The following SLAMF6 variants were observed in gnomAD, a reference collection of about 807,000 sequenced individuals.
SLAMF6 encodes SLAM family member 6.
In SLAMF6, 21 loss-of-function variants were observed where a neutral mutation model predicts 38.3. That is an observed-to-expected ratio of 0.55 (90% CI 0.39 to 0.79). The LOEUF (loss-of-function observed/expected upper bound fraction) is 0.79. SLAMF6 is among the 30% of genes least tolerant of loss of function. The pLI is 0.00. For synonymous variants in SLAMF6, 152 were observed against 146.3 expected (o/e 1.04, Z -0.28); for missense variants, 341 against 385.3 (o/e 0.89, Z 0.96).
At chr1:160,519,441 C>T (rs1377219027) in intron 1 of SLAMF6, among the ~76,000 whole-genome samples, 1 of 152,146 alleles carries the variant, frequency 6.6e-6, no homozygotes, top group South Asian at 2.1e-4. Flanking sequence ...ATTATATGAT[C>T]TGACAAATCC....
chr1:160,521,374 A>C (rs1654975433), intron 1 of SLAMF6, among the ~76,000 whole-genome samples: 1 of 152,110 alleles, frequency 6.6e-6, no homozygotes, highest in Non-Finnish European at 1.5e-5. Context: ...AGCACTGTAT[A>C]TTTCATAGGG....
Position 160,491,306 on chromosome 1 carries a change from C to T in SLAMF6, c.465G>A (p.Val155=), listed in dbSNP as rs1266839221. The T allele has an allele frequency of 1.2e-6, 2 of 1,614,036 alleles. No homozygotes were observed. The highest frequency in any genetic ancestry group is 4.5e-5 in the East Asian group (2 of 44,890). The change falls in exon 3 of 8, where the codon GTG becomes GTA. Residue 155 remains valine (V), a synonymous_variant. Coordinates refer to ENST00000368057, the MANE Select transcript of SLAMF6 (RefSeq NM_001184714.2). ...ATGAGACATTGTCATCTGCATCCTC[C>T]ACAGAGCAAGTCAGATGGAGCTCAC... is the stretch of plus-strand genomic sequence containing the variant. The part of the protein sequence containing the change: ...MTCELHLTCS[V]EDADDNVSFR...
At chr1:160,509,472 G>C (rs1654358652) in intron 1 of SLAMF6, among the ~76,000 whole-genome samples, 1 of 152,080 alleles carries the variant, frequency 6.6e-6, no homozygotes, top group Admixed American at 6.6e-5. Context: ...CTTGGACACA[G>C]GGTGGGGAAC....
At chr1:160,494,024 G>A (rs1193739849) in intron 2 of SLAMF6, among the ~76,000 whole-genome samples, 1 of 152,134 alleles carries the variant, frequency 6.6e-6, no homozygotes, top group African/African-American at 2.4e-5. Flanking sequence ...TTTGGGTGGG[G>A]ACACAGAGCC....
At chr1:160,492,929 A>G (rs899389521) in intron 2 of SLAMF6, among the ~76,000 whole-genome samples, 1 of 151,814 alleles carries the variant, frequency 6.6e-6, no homozygotes, top group African/African-American at 2.4e-5. Context: ...GCTAGCATCA[A>G]CTCTTGTTTG....
intron 6 of SLAMF6, among the ~76,000 whole-genome samples, chr1:160,487,401 C>A (rs1037792786): frequency 6.6e-6 from 1 of 152,192 alleles, no homozygotes; most frequent in Non-Finnish European, 1.5e-5. Context: ...TGCAGCAAAC[C>A]AATGGGCTCA....
At chr1:160,518,881 T>C (rs1397989610) in intron 1 of SLAMF6, among the ~76,000 whole-genome samples, 2 of 152,172 alleles carry the variant, frequency 1.3e-5, no homozygotes, top group Non-Finnish European at 2.9e-5. Context: ...TTTACCTATG[T>C]AACAAACTTG....
intron 1 of SLAMF6, among the ~76,000 whole-genome samples, chr1:160,500,400 G>T (rs891939846): frequency 2.0e-5 from 3 of 152,094 alleles, no homozygotes; most frequent in African/African-American, 7.2e-5. Context: ...CAGGGCTTTT[G>T]CATTTGCAAT....
At chr1:160,512,328 A>ATG (rs2102059852) in intron 1 of SLAMF6, among the ~76,000 whole-genome samples, 1 of 152,288 alleles carries the variant, frequency 6.6e-6, no homozygotes, top group African/African-American at 2.4e-5. Context: ...CAGCAACTCC[A>ATG]GCCAAGGGTT....
chr1:160,519,002 A>G (rs1654869273), intron 1 of SLAMF6, among the ~76,000 whole-genome samples: 2 of 152,334 alleles, frequency 1.3e-5, no homozygotes, highest in South Asian at 4.1e-4. Flanking sequence ...GCATCAAAGA[A>G]CATTATTAAG....
intron 1 of SLAMF6, among the ~76,000 whole-genome samples, chr1:160,508,194 T>C (rs962686634): frequency 6.6e-6 from 1 of 152,176 alleles, no homozygotes; most frequent in African/African-American, 2.4e-5. Flanking sequence ...AGAGCCCACA[T>C]TGCCAAGACA....
chr1:160,516,783 G>A (rs1485327466), intron 1 of SLAMF6, among the ~76,000 whole-genome samples: 2 of 152,146 alleles, frequency 1.3e-5, no homozygotes, highest in Non-Finnish European at 2.9e-5. Context: ...TTAATAACTG[G>A]TGCTGGGAGA....
chr1:160,516,592 G>T (rs1007079705), intron 1 of SLAMF6, among the ~76,000 whole-genome samples: 6 of 152,094 alleles, frequency 3.9e-5, no homozygotes, highest in African/African-American at 1.2e-4. Flanking sequence ...CATGCTACTG[G>T]ACTTCAAACA....
intron 4 of SLAMF6, 164 bp downstream of exon 4, chr1:160,490,411 G>T: frequency 1.3e-6 from 1 of 788,796 alleles, no homozygotes; most frequent in Non-Finnish European, 1.5e-6. Flanking sequence ...ATTAGCAGGT[G>T]CAAGATCACA....
intron 1 of SLAMF6, among the ~76,000 whole-genome samples, chr1:160,504,014 T>G (rs1571301201): frequency 7.1e-5 from 1 of 14,022 alleles, no homozygotes; most frequent in Non-Finnish European, 1.6e-4. Flanking sequence ...TGAGACTCTA[T>G]CTCAAAAAAA....
At chr1:160,496,492 C>A in intron 1 of SLAMF6, 99 bp from the exon 2 acceptor site, 1 of 1,172,146 alleles carries the variant, frequency 8.5e-7, no homozygotes, top group South Asian at 1.5e-5. Flanking sequence ...TTAGAGCTCT[C>A]TGATACCAAA....
At chr1:160,490,750 T>C in intron 3 of SLAMF6, 65 bp from the exon 4 acceptor site, 1 of 1,577,518 alleles carries the variant, frequency 6.3e-7, no homozygotes. Context: ...TCTTGGAGCC[T>C]CCGTGGAGCC....
intron 1 of SLAMF6, among the ~76,000 whole-genome samples, chr1:160,505,682 C>A (rs1453981711): frequency 6.6e-6 from 1 of 152,086 alleles, no homozygotes; most frequent in Non-Finnish European, 1.5e-5. Context: ...AGATTACAGG[C>A]ATGAGCCACC....
chr1:160,489,661 T>A (rs138732175), intron 5 of SLAMF6, among the ~76,000 whole-genome samples: 24 of 152,316 alleles, frequency 1.6e-4, no homozygotes, highest in African/African-American at 5.5e-4. Context: ...GCAACTCAAA[T>A]GCACGTCTTC....
Sources: gnomAD v4.1 joint callset for allele counts (sites outside exome capture counted in the v4.1 genomes callset) on GRCh38, gnomAD v4.1.1 for gene constraint, MANE v1.5 for transcripts, NCBI Gene and HGNC (gene_info 2026-07-23, HGNC 2026-07-21) for gene names.